The following CFAP299 variants were observed in gnomAD, a reference collection of about 807,000 sequenced individuals.
CFAP299 encodes the protein cilia- and flagella-associated protein 299.
Under a neutral mutation model 27.0 loss-of-function variants are expected in CFAP299, and 21 were observed. That is an observed-to-expected ratio of 0.78 (90% CI 0.55 to 1.12). The LOEUF (loss-of-function observed/expected upper bound fraction) is 1.12. Ranked by LOEUF, CFAP299 falls within the 50% of genes most tolerant of loss-of-function variation. The pLI is 0.00. For synonymous variants in CFAP299, 104 were observed against 98.1 expected, an observed-to-expected ratio of 1.06 and a Z score of -0.36; for missense variants, 310 against 276.6, an observed-to-expected ratio of 1.12 and a Z score of -0.86.
chr4:80,466,759 T>A (rs1349246210), intron 2 of CFAP299, among the ~76,000 whole-genome samples: 2 of 152,210 alleles, frequency 1.3e-5, no homozygotes, highest in Non-Finnish European at 2.9e-5. Flanking sequence ...TGCCCCTGAC[T>A]TCAAGTAATC....
intron 2 of CFAP299, among the ~76,000 whole-genome samples, chr4:80,390,870 C>T (rs1725410786): frequency 1.0e-5 from 1 of 100,286 alleles, no homozygotes; most frequent in Non-Finnish European, 2.1e-5. Flanking sequence ...TATATGCGCA[C>T]ATATATGTAT....
intron 2 of CFAP299, among the ~76,000 whole-genome samples, chr4:80,416,993 T>C (rs1277350514): frequency 2.0e-5 from 3 of 152,256 alleles, no homozygotes; most frequent in Non-Finnish European, 4.4e-5. Context: ...GGCTACTCCA[T>C]AGGCAGAGCA....
intron 4 of CFAP299, among the ~76,000 whole-genome samples, chr4:80,894,512 G>T (rs140381896): frequency 1.3e-5 from 2 of 151,934 alleles, no homozygotes; most frequent in Non-Finnish European, 2.9e-5. Flanking sequence ...CCCAGAGTAG[G>T]TAGATGCTAA....
chr4:80,577,274 C>T (rs1735916910), intron 2 of CFAP299, among the ~76,000 whole-genome samples: 1 of 151,438 alleles, frequency 6.6e-6, no homozygotes, highest in Non-Finnish European at 1.5e-5. Flanking sequence ...AAATTGTTTG[C>T]AAAATGTCTA....
intron 1 of CFAP299, among the ~76,000 whole-genome samples, chr4:80,345,827 C>T (rs1342048241): frequency 6.6e-6 from 1 of 152,090 alleles, no homozygotes; most frequent in Non-Finnish European, 1.5e-5. Flanking sequence ...ATTTCTAGTT[C>T]TAGATCCTTG....
chr4:80,530,872 T>A (rs1733429174), intron 2 of CFAP299, among the ~76,000 whole-genome samples: 1 of 152,052 alleles, frequency 6.6e-6, no homozygotes, highest in African/African-American at 2.4e-5. Flanking sequence ...AGTCCTAGCA[T>A]GGATAAGCAA....
intron 2 of CFAP299, among the ~76,000 whole-genome samples, chr4:80,463,791 C>T (rs1035921327): frequency 2.0e-5 from 3 of 152,006 alleles, no homozygotes; most frequent in African/African-American, 7.2e-5. Context: ...AATTTTGGGG[C>T]CCACAATTCA....
intron 5 of CFAP299, among the ~76,000 whole-genome samples, chr4:80,948,313 A>G (rs746948974): frequency 4.6e-5 from 7 of 152,154 alleles, no homozygotes; most frequent in African/African-American, 1.7e-4. Context: ...GAAATTCCAA[A>G]TGCAATAAGA....
intron 4 of CFAP299, among the ~76,000 whole-genome samples, chr4:80,931,359 T>C (rs1736607097): frequency 6.6e-6 from 1 of 152,134 alleles, no homozygotes; most frequent in African/African-American, 2.4e-5. Flanking sequence ...CCTTAGAATT[T>C]CTAAGATGGA....
At chr4:80,342,566 G>A (rs950590304) in intron 1 of CFAP299, among the ~76,000 whole-genome samples, 2 of 152,126 alleles carry the variant, frequency 1.3e-5, no homozygotes, top group Admixed American at 6.5e-5. Context: ...TTCCAGCCAA[G>A]CTAAGCTTCA....
At chr4:80,883,658 CTT>C (rs527293529) in intron 4 of CFAP299, among the ~76,000 whole-genome samples, 51 of 151,996 alleles carry the variant, frequency 3.4e-4, no homozygotes, top group African/African-American at 1.1e-3. Context: ...ACAAAATAGA[CTT>C]TATATAGAAA....
intron 2 of CFAP299, among the ~76,000 whole-genome samples, chr4:80,501,049 A>G (rs1022442065): frequency 2.0e-5 from 3 of 152,100 alleles, no homozygotes; most frequent in Non-Finnish European, 4.4e-5. Context: ...TGTTTAATTG[A>G]AAGTGGGGGT....
intron 3 of CFAP299, among the ~76,000 whole-genome samples, chr4:80,773,483 T>C (rs1313372746): frequency 6.6e-6 from 1 of 152,162 alleles, no homozygotes; most frequent in Non-Finnish European, 1.5e-5. Flanking sequence ...CTTTTTTTAC[T>C]TAGTGACAAG....
chr4:80,912,399 TG>T (rs1228026345), intron 4 of CFAP299, among the ~76,000 whole-genome samples: 2 of 152,152 alleles, frequency 1.3e-5, no homozygotes, highest in African/African-American at 2.4e-5. Flanking sequence ...CTATTCTGCA[TG>T]GCCTAAGAGA....
intron 2 of CFAP299, among the ~76,000 whole-genome samples, chr4:80,420,948 C>T (rs1443273554): frequency 6.6e-6 from 1 of 152,138 alleles, no homozygotes; most frequent in Non-Finnish European, 1.5e-5. Flanking sequence ...CCTTGGACTG[C>T]CCTCTTCTTG....
intron 4 of CFAP299, among the ~76,000 whole-genome samples, chr4:80,909,403 A>G (rs1312925740): frequency 6.6e-6 from 1 of 152,080 alleles, no homozygotes; most frequent in East Asian, 1.9e-4. Context: ...TAAACTCATA[A>G]TTATTCTAAG....
intron 3 of CFAP299, among the ~76,000 whole-genome samples, chr4:80,824,226 G>A (rs1368764491): frequency 2.0e-5 from 3 of 152,116 alleles, no homozygotes; most frequent in Admixed American, 1.3e-4. Flanking sequence ...AAGCTTTCAG[G>A]AGATGTCTTG....
At chr4:80,343,583 A>G (rs1722571783) in intron 1 of CFAP299, among the ~76,000 whole-genome samples, 1 of 152,040 alleles carries the variant, frequency 6.6e-6, no homozygotes, top group Non-Finnish European at 1.5e-5. Context: ...AGGTCAGGAG[A>G]TCGAGACCAT....
intron 3 of CFAP299, among the ~76,000 whole-genome samples, chr4:80,737,818 A>G (rs1724000181): frequency 6.6e-6 from 1 of 152,120 alleles, no homozygotes; most frequent in African/African-American, 2.4e-5. Flanking sequence ...AGAGGTCAAC[A>G]ACTTCAGGTT....
Sources: allele counts gnomAD v4.1 joint callset (sites outside exome capture counted in the v4.1 genomes callset), GRCh38; gene constraint gnomAD v4.1.1; transcripts MANE v1.5; gene names NCBI Gene and HGNC (gene_info 2026-07-23, HGNC 2026-07-21).